The following ARHGAP22 variants were observed in gnomAD, a reference collection of about 807,000 sequenced individuals.
The protein encoded by ARHGAP22 is Rho GTPase activating protein 22.
In ARHGAP22, 48 loss-of-function variants were observed where a neutral mutation model predicts 59.1. That is an observed-to-expected ratio of 0.81 (90% confidence interval 0.64 to 1.03). The LOEUF (loss-of-function observed/expected upper bound fraction) is 1.03. ARHGAP22 is among the 50% of genes least tolerant of loss of function. The probability of loss-of-function intolerance (pLI) is 0.00; values close to 1 mark genes in which losing one functional copy is unlikely to be tolerated. For missense variants in ARHGAP22, 1,015 were observed against 958.7 expected, an observed-to-expected ratio of 1.06 and a Z score of -0.78; for synonymous variants, 445 against 416.4, an observed-to-expected ratio of 1.07 and a Z score of -0.84.
chr10:48,583,084 G>A lies in ARHGAP22; in HGVS notation c.103C>T (p.Leu35=), dbSNP rs2059215833. The A allele has an allele frequency of 1.2e-6, 2 of 1,614,162 alleles. No homozygotes were observed. Among genetic ancestry groups the A allele is most frequent in the Non-Finnish European group, 1.7e-6 (2 of 1,180,060 alleles). ...SPGRMPCPHR[L]GPVLKAGWLK... ...CAGCCCGCCTTCAGCACGGGGCCCA[G>A]CCTGTGAGGGCACGGCATCCGCCCA... Residue 35 remains leucine (L), a synonymous_variant, in exon 2 of 10, where the codon CTG becomes TTG. Coordinates refer to ENST00000249601, the MANE Select transcript of ARHGAP22 (RefSeq NM_021226.4).
chr10:48,440,287 A>G, the ARHGAP22 span, among the ~76,000 whole-genome samples: 44 of 152,300 alleles, frequency 2.9e-4, no homozygotes, highest in Admixed American at 7.8e-4. Context: ...AGATACTTCA[A>G]ATATGCTTTG....
intron 3 of ARHGAP22, among the ~76,000 whole-genome samples, chr10:48,533,220 GA>G (rs1211727934): frequency 1.3e-4 from 19 of 150,980 alleles, no homozygotes; most frequent in African/African-American, 4.4e-4. Flanking sequence ...TGATTCTGGG[GA>G]AGGTGGGTAT....
At chr10:48,502,244 T>C (rs2051597817) in intron 3 of ARHGAP22, among the ~76,000 whole-genome samples, 1 of 152,212 alleles carries the variant, frequency 6.6e-6, no homozygotes, top group Admixed American at 6.5e-5. Flanking sequence ...CTGGGGCTTT[T>C]AGGGGATCAG....
chr10:48,548,039 C>T (rs767434982), intron 3 of ARHGAP22, among the ~76,000 whole-genome samples: 2 of 152,216 alleles, frequency 1.3e-5, no homozygotes, highest in East Asian at 3.8e-4. Context: ...GGCCCTTCCT[C>T]ACCACCCCAG....
At chr10:48,537,645 G>A (rs1435821385) in intron 3 of ARHGAP22, among the ~76,000 whole-genome samples, 1 of 152,248 alleles carries the variant, frequency 6.6e-6, no homozygotes, top group Non-Finnish European at 1.5e-5. Flanking sequence ...AGGAAGATGA[G>A]GTGACTTTTC....
At chr10:48,537,783 G>A (rs903072896) in intron 3 of ARHGAP22, among the ~76,000 whole-genome samples, 4 of 152,208 alleles carry the variant, frequency 2.6e-5, no homozygotes, top group Middle Eastern at 3.2e-3. Flanking sequence ...GCAGTGCCTC[G>A]GGCCAAGTAA....
intron 1 of ARHGAP22, among the ~76,000 whole-genome samples, chr10:48,585,955 C>A (rs974755069): frequency 6.6e-6 from 1 of 152,098 alleles, no homozygotes. Flanking sequence ...AGGAAAACAG[C>A]CCCCTCTGAA....
chr10:48,489,328 G>A (rs1310578185), intron 3 of ARHGAP22, among the ~76,000 whole-genome samples: 1 of 152,180 alleles, frequency 6.6e-6, no homozygotes, highest in Non-Finnish European at 1.5e-5. Flanking sequence ...GAGAAGTTAA[G>A]AACTTTGCTC....
At chr10:48,431,315 G>A in the ARHGAP22 span, 1 of 1,339,022 alleles carries the variant, frequency 7.5e-7, no homozygotes, top group Non-Finnish European at 1.1e-6. Flanking sequence ...TTTACTTCTT[G>A]TGTTGTAATC....
Position 48,529,466 on chromosome 10 carries a change from C to G in ARHGAP22, c.322+25997G>C, listed in dbSNP as rs536974219. ...AAAACTTGGCAGCTTCTGCTTTTCC[C>G]TGTCGTCAGGGAAAGCACCCCCTTG... On this transcript the variant is annotated intron_variant, in intron 3 of 9. Coordinates refer to ENST00000249601, the MANE Select transcript of ARHGAP22 (RefSeq NM_021226.4). Among the ~76,000 whole-genome samples, 7 of 152,324 alleles carry G rather than the reference C, an allele frequency of 4.6e-5. No individual in the cohort carries two copies. The South Asian group carries it at 1.5e-3, about 32-fold the overall frequency.
chr10:48,574,684 A>G (rs2058600281), intron 2 of ARHGAP22: 11 of 152,216 alleles, frequency 7.2e-5, no homozygotes, highest in Admixed American at 7.2e-4. Flanking sequence ...TGGAAGATAG[A>G]GCCAGCCAAA....
chr10:48,599,241 T>C (rs947654033), intron 1 of ARHGAP22, among the ~76,000 whole-genome samples: 1 of 152,116 alleles, frequency 6.6e-6, no homozygotes, highest in Admixed American at 6.5e-5. Context: ...CGAGAAATGT[T>C]GACCTGGTCT....
In ARHGAP22 at chr10:48,450,623, G is replaced by A. The variant is rs77543097; in HGVS notation, c.1506C>T (p.Pro502=). Residue 502 remains proline (P), a synonymous_variant, in exon 9 of 10, where the codon CCC becomes CCT. Transcript: ENST00000249601. ...CCATACTGGCCACGCTGGGTATGCC[G>A]GGGACCAGGCCCGGCGCGGGCACAT... is the stretch of plus-strand genomic sequence containing the variant. The part of the protein sequence containing the change: ...YDNVPAPGLV[P]GIPSVASMAW... 248 of 1,548,940 alleles carry A rather than the reference G, an allele frequency of 1.6e-4. No homozygotes were observed. Among genetic ancestry groups the A allele is most frequent in the African/African-American group, 8.1e-4 (59 of 73,184 alleles).
At chr10:48,600,680 G>A (rs1484742204) in intron 1 of ARHGAP22, among the ~76,000 whole-genome samples, 1 of 152,116 alleles carries the variant, frequency 6.6e-6, no homozygotes, top group East Asian at 1.9e-4. Flanking sequence ...CTGATCTGAG[G>A]GCCTCTGCAA....
intron 2 of ARHGAP22, among the ~76,000 whole-genome samples, chr10:48,557,633 T>A (rs919722339): frequency 6.6e-6 from 1 of 152,170 alleles, no homozygotes; most frequent in African/African-American, 2.4e-5. Context: ...ACTCTTTGCT[T>A]CCCTATCTTT....
chr10:48,574,276 T>C, intron 2 of ARHGAP22, among the ~76,000 whole-genome samples: 1 of 152,184 alleles, frequency 6.6e-6, no homozygotes, highest in East Asian at 1.9e-4. Flanking sequence ...AAGCACCCAA[T>C]ATTACTGGAT....
chr10:48,453,907 C>T (rs1033695552), intron 7 of ARHGAP22, among the ~76,000 whole-genome samples, 181 bp downstream of exon 7: 7 of 152,130 alleles, frequency 4.6e-5, no homozygotes, highest in Non-Finnish European at 8.8e-5. Context: ...CTGTAAGCTT[C>T]GTGAACTCAG....
rs182951228 is a variant in ARHGAP22, at chr10:48,514,567, C to T, written c.323-34803G>A. ...AAGAATATTCAGTCCTTCGTCCTAG[C>T]TGATCAGACCTACAAGAAATCCTAA... On this transcript the variant is annotated intron_variant, in intron 3 of 9. Transcript: ENST00000249601. 1.7e-3 allele frequency among the ~76,000 whole-genome samples: 260 copies of T among 152,264 alleles called. 2 individuals are homozygous for T. The highest frequency in any genetic ancestry group is 6.0e-3 in the African/African-American group (249 of 41,540).
chr10:48,582,977 C>G lies in ARHGAP22; in HGVS notation c.210G>C (p.Lys70Asn). 1 of 1,614,246 alleles carries G rather than the reference C, an allele frequency of 6.2e-7. No individual in the cohort carries two copies. The highest frequency in any genetic ancestry group is 8.5e-7 in the Non-Finnish European group (1 of 1,180,044). Residue 70 changes from lysine to asparagine, a missense_variant, in exon 2 of 10, where the codon AAG becomes AAC. By Grantham distance (94) the Lys-to-Asn change is moderately conservative. Coordinates refer to ENST00000249601, the MANE Select transcript of ARHGAP22 (RefSeq NM_021226.4). ...VLRGDQLFYY[K>N]DKDEIKPQGF... ...CCTGGGGCTTGATCTCATCTTTGTC[C>G]TTGTAGTAGAAAAGCTGATCCCCAC... is the stretch of plus-strand genomic sequence containing the variant.
Sources: gnomAD v4.1 joint callset for allele counts (sites outside exome capture counted in the v4.1 genomes callset) on GRCh38, gnomAD v4.1.1 for gene constraint, MANE v1.5 for transcripts, NCBI Gene and HGNC (gene_info 2026-07-23, HGNC 2026-07-21) for gene names.